DDAH1: variants seen among roughly 807,000 people sequenced by gnomAD.
DDAH1 encodes the protein N(G),N(G)-dimethylarginine dimethylaminohydrolase 1.
DDAH1 carries 19 observed loss-of-function variants against 28.8 expected under a neutral mutation model. The observed-to-expected ratio is 0.66, with a 90% CI of 0.46 to 0.97. DDAH1 has a LOEUF of 0.97. DDAH1 is among the 50% of genes least tolerant of loss of function. The probability of loss-of-function intolerance (pLI) is 0.00; values close to 1 mark genes in which losing one functional copy is unlikely to be tolerated. For missense variants in DDAH1, 326 were observed against 375.9 expected (o/e 0.87, Z 1.10); for synonymous variants, 153 against 154.4 (o/e 0.99, Z 0.07).
intron 1 of DDAH1, among the ~76,000 whole-genome samples, chr1:85,446,715 T>C (rs879736133): frequency 1.3e-5 from 2 of 152,082 alleles, no homozygotes; most frequent in Non-Finnish European, 2.9e-5. Flanking sequence ...TCAATTCTCC[T>C]GCCACCCCTC....
At chr1:85,518,861 T>C in intron 1 of DDAH1, among the ~76,000 whole-genome samples, 1 of 152,178 alleles carries the variant, frequency 6.6e-6, no homozygotes, top group Non-Finnish European at 1.5e-5. Context: ...TTTTGACATA[T>C]AATTGTTGTG....
intron 1 of DDAH1, among the ~76,000 whole-genome samples, chr1:85,559,470 C>A (rs769711799): frequency 6.6e-6 from 1 of 151,676 alleles, no homozygotes; most frequent in African/African-American, 2.4e-5. Context: ...CTGGACATAC[C>A]AAGAAGCAAG....
chr1:85,553,761 C>T (rs2100797204), intron 1 of DDAH1, among the ~76,000 whole-genome samples: 1 of 152,326 alleles, frequency 6.6e-6, no homozygotes, highest in Admixed American at 6.5e-5. Flanking sequence ...GTAGTGTTTA[C>T]TGTGAGGCAA....
intron 1 of DDAH1, among the ~76,000 whole-genome samples, chr1:85,381,324 T>C (rs1650976056): frequency 7.2e-6 from 1 of 138,578 alleles, no homozygotes. Context: ...AAGATTGTCA[T>C]TACAATGTTT....
At chr1:85,547,128 A>T (rs980135978) in intron 1 of DDAH1, among the ~76,000 whole-genome samples, 1 of 152,144 alleles carries the variant, frequency 6.6e-6, no homozygotes, top group African/African-American at 2.4e-5. Flanking sequence ...GGAGTGGAGA[A>T]CACCCTGGTA....
At chr1:85,334,536 C>T (rs1647990139) in intron 4 of DDAH1, among the ~76,000 whole-genome samples, 4 of 152,180 alleles carry the variant, frequency 2.6e-5, no homozygotes, top group Non-Finnish European at 5.9e-5. Flanking sequence ...TTCCCCCTTA[C>T]TGTTCTCATG....
intron 2 of DDAH1, chr1:85,493,567 C>T (rs146591487): frequency 1.8e-4 from 27 of 152,272 alleles, no homozygotes; most frequent in Middle Eastern, 3.4e-3. Context: ...ACAAACATTG[C>T]ACACCTCTTA....
At chr1:85,570,330 G>T (rs1194833735) in intron 1 of DDAH1, among the ~76,000 whole-genome samples, 1 of 148,270 alleles carries the variant, frequency 6.7e-6, no homozygotes, top group East Asian at 2.0e-4. Flanking sequence ...CCATACCTTT[G>T]ATCCTTAACC....
At chr1:85,345,052 T>C (rs899810436) in intron 4 of DDAH1, among the ~76,000 whole-genome samples, 2 of 152,194 alleles carry the variant, frequency 1.3e-5, no homozygotes, top group Non-Finnish European at 2.9e-5. Flanking sequence ...ATACAAAGTG[T>C]AATATATAAA....
rs576697475 is a variant in DDAH1, at chr1:85,429,724, G to T, written c.303+35019C>A. Among the ~76,000 whole-genome samples the T allele has an allele frequency of 3.3e-5, 5 of 152,274 alleles. No individual in the cohort carries two copies. The South Asian group carries it at 1.0e-3, about 32-fold the overall frequency. The stretch of plus-strand genomic sequence containing the variant: ...TTGCCATTCTAACTGGTGTGAGATG[G>T]TATCTCACTGTGGTTTTGATTTGCA... On this transcript the variant is annotated intron_variant, in intron 1 of 5. Transcript: ENST00000284031.
rs116035390 is a variant in DDAH1 at position 85,379,467 on chromosome 1, G to A, written c.304-20620C>T. 2.2e-3 allele frequency: 819 copies of A among 380,278 alleles called. 3 individuals carry two copies. The highest frequency in any genetic ancestry group is 0.017 in the African/African-American group (771 of 45,744). 23.6% of individuals were successfully genotyped at this position (380,278 alleles called of 1,614,324 possible). ...CAGAAAATTTATAGTGACAGGTAGAGATAATGAGGCACAGCTAAAATTCTA... is the reference window on the plus strand; with the variant it reads ...CAGAAAATTTATAGTGACAGGTAGAAATAATGAGGCACAGCTAAAATTCTA... On this transcript the variant is annotated intron_variant, in intron 1 of 5. Coordinates refer to ENST00000284031, the MANE Select transcript of DDAH1 (RefSeq NM_012137.4).
chr1:85,327,341 A>C (rs1647468891), intron 4 of DDAH1, among the ~76,000 whole-genome samples: 1 of 152,128 alleles, frequency 6.6e-6, no homozygotes, highest in African/African-American at 2.4e-5. Context: ...TAGTCTTAAA[A>C]ACCATAAAAG....
intron 1 of DDAH1, among the ~76,000 whole-genome samples, chr1:85,384,371 C>T (rs982381993): frequency 1.2e-4 from 18 of 152,190 alleles, no homozygotes; most frequent in Admixed American, 1.3e-4. Context: ...TTAGTTCTCC[C>T]AAACTGATTT....
At chr1:85,406,639 T>C (rs561098057) in intron 1 of DDAH1, among the ~76,000 whole-genome samples, 24 of 152,290 alleles carry the variant, frequency 1.6e-4, no homozygotes, top group Middle Eastern at 3.4e-3. Context: ...TATGTATACA[T>C]TGTGGAATGG....
chr1:85,570,200 C>T (rs1056013755), intron 1 of DDAH1, among the ~76,000 whole-genome samples: 1 of 152,128 alleles, frequency 6.6e-6, no homozygotes, highest in Non-Finnish European at 1.5e-5. Context: ...TACCCTCTGA[C>T]CCCTGCATTC....
intron 1 of DDAH1, among the ~76,000 whole-genome samples, chr1:85,503,031 T>C (rs1220926137): frequency 6.6e-6 from 1 of 152,136 alleles, no homozygotes; most frequent in Admixed American, 6.5e-5. Context: ...AATTGTTAAG[T>C]GTTTGCTAAG....
rs1661244748 is a variant in DDAH1 at position 85,319,774 on chromosome 1, G to C, written c.*1678C>G. On this transcript the variant is annotated 3_prime_UTR_variant, in exon 6 of 6. Transcript: ENST00000284031. The stretch of plus-strand genomic sequence containing the variant: ...GTTAAGCAACAAGGAAGAGAAGGAG[G>C]AGAAAAAAACTTTTGCAAATTTCTG... 1 of 152,028 alleles carries C rather than the reference G, an allele frequency of 6.6e-6. No homozygotes were observed. The highest frequency in any genetic ancestry group is 1.5e-5 in the Non-Finnish European group (1 of 67,994). The allele number at this position is 152,028 out of a possible 1,614,324, so 9.4% of individuals were successfully genotyped here.
intron 1 of DDAH1, among the ~76,000 whole-genome samples, chr1:85,365,836 T>C (rs549102449): frequency 3.7e-4 from 56 of 152,208 alleles, no homozygotes; most frequent in Non-Finnish European, 5.9e-4. Context: ...GATTGGTTAC[T>C]TTACATAGCA....
At chr1:85,425,124 C>T (rs1190307934) in intron 1 of DDAH1, among the ~76,000 whole-genome samples, 1 of 152,082 alleles carries the variant, frequency 6.6e-6, no homozygotes, top group Non-Finnish European at 1.5e-5. Flanking sequence ...TGTCATGTCA[C>T]ATTAACTACC....
Sources: gnomAD v4.1 joint callset for allele counts (sites outside exome capture counted in the v4.1 genomes callset) on GRCh38, gnomAD v4.1.1 for gene constraint, MANE v1.5 for transcripts, NCBI Gene and HGNC (gene_info 2026-07-23, HGNC 2026-07-21) for gene names.